The following RBFOX1 variants were observed in gnomAD, a reference collection of about 807,000 sequenced individuals.
RBFOX1 encodes the protein RNA binding fox-1 homolog 1.
In RBFOX1, 8 loss-of-function variants were observed where a neutral mutation model predicts 57.7. That is an observed-to-expected ratio of 0.14 (90% CI 0.08 to 0.25). RBFOX1 has a LOEUF of 0.25. Ranked by LOEUF, RBFOX1 falls within the 10% of genes least tolerant of loss-of-function variation. RBFOX1 has a pLI of 1.00. For synonymous variants in RBFOX1, 326 were observed against 222.4 expected (o/e 1.47, Z -4.15); for missense variants, 611 against 548.5 (o/e 1.11, Z -1.14).
intron 4 of RBFOX1, among the ~76,000 whole-genome samples, chr16:7,420,960 C>CACACACAT (rs1555886220): frequency 1.4e-5 from 2 of 145,798 alleles, no homozygotes; most frequent in African/African-American, 5.1e-5. Flanking sequence ...CACACACACA[C>CACACACAT]ATATATATAT....
chr16:6,736,807 T>TG (rs1300790395), intron 3 of RBFOX1, among the ~76,000 whole-genome samples: 1 of 152,204 alleles, frequency 6.6e-6, no homozygotes, highest in African/African-American at 2.4e-5. Context: ...TATGGAATGC[T>TG]GTATTCATAC....
At chr16:6,929,283 A>G (rs117887184) in intron 3 of RBFOX1, among the ~76,000 whole-genome samples, 10,247 of 152,222 alleles carry the variant, frequency 0.067, 506 homozygotes, top group Non-Finnish European at 0.11. Context: ...AGAGGTAGGA[A>G]ACTGGGGAAG....
intron 2 of RBFOX1, among the ~76,000 whole-genome samples, chr16:6,429,000 G>T (rs1388239663): frequency 6.6e-6 from 1 of 152,224 alleles, no homozygotes; most frequent in Non-Finnish European, 1.5e-5. Context: ...TCTGGGAGGT[G>T]CACATTCGGT....
At chr16:5,712,231 C>T (rs2051516871) in intron 3 of RBFOX1, among the ~76,000 whole-genome samples, 1 of 152,180 alleles carries the variant, frequency 6.6e-6, no homozygotes, top group Non-Finnish European at 1.5e-5. Flanking sequence ...TGGGGATTAC[C>T]ATTTGAGATG....
intron 3 of RBFOX1, among the ~76,000 whole-genome samples, chr16:6,659,076 C>T (rs1458834391): frequency 2.0e-5 from 3 of 151,836 alleles, no homozygotes; most frequent in East Asian, 3.9e-4. Context: ...ATTTACAGTA[C>T]CTGTGTTTCT....
At chr16:6,362,496 T>A (rs982862896) in intron 2 of RBFOX1, among the ~76,000 whole-genome samples, 2 of 152,232 alleles carry the variant, frequency 1.3e-5, no homozygotes, top group East Asian at 3.9e-4. Flanking sequence ...GTATGTCATC[T>A]GTTGGCACTG....
intron 2 of RBFOX1, among the ~76,000 whole-genome samples, chr16:5,504,751 AG>A: frequency 6.6e-6 from 1 of 152,322 alleles, no homozygotes; most frequent in Non-Finnish European, 1.5e-5. Context: ...AACCCTCACC[AG>A]CCCCACCTTC....
At chr16:6,664,029 T>A (rs2098717155) in intron 3 of RBFOX1, among the ~76,000 whole-genome samples, 1 of 152,350 alleles carries the variant, frequency 6.6e-6, no homozygotes, top group Middle Eastern at 3.4e-3. Flanking sequence ...CTGTGTCACA[T>A]GGACTGTGAT....
intron 4 of RBFOX1, among the ~76,000 whole-genome samples, chr16:7,064,104 A>T (rs993881043): frequency 3.3e-5 from 5 of 151,976 alleles, no homozygotes; most frequent in African/African-American, 1.2e-4. Context: ...CTTTAAAAAG[A>T]TAAGTAAGAT....
intron 1 of RBFOX1, among the ~76,000 whole-genome samples, chr16:5,365,644 G>A (rs9923686): frequency 0.032 from 4,812 of 152,166 alleles, 107 homozygotes; most frequent in Middle Eastern, 0.078. Flanking sequence ...CTCCAGCCTG[G>A]GTGACGGAGT....
intron 4 of RBFOX1, among the ~76,000 whole-genome samples, chr16:7,357,788 G>C (rs936632587): frequency 5.9e-5 from 9 of 152,058 alleles, no homozygotes; most frequent in African/African-American, 2.2e-4. Context: ...AATAATTTTG[G>C]AGCATTCAGC....
intron 3 of RBFOX1, among the ~76,000 whole-genome samples, chr16:5,803,408 G>T (rs918735411): frequency 6.6e-6 from 1 of 152,180 alleles, no homozygotes; most frequent in Admixed American, 6.5e-5. Flanking sequence ...TCTGATCCCA[G>T]TTCCCACACT....
chr16:6,805,758 T>G (rs1042981698), intron 3 of RBFOX1, among the ~76,000 whole-genome samples: 2 of 152,166 alleles, frequency 1.3e-5, no homozygotes, highest in Non-Finnish European at 2.9e-5. Context: ...TTCCCTCCAC[T>G]GTAAAGTCTG....
chr16:5,538,388 G>A (rs1167283606), intron 2 of RBFOX1, among the ~76,000 whole-genome samples: 2 of 151,658 alleles, frequency 1.3e-5, no homozygotes, highest in Non-Finnish European at 2.9e-5. Context: ...CATTGCCATG[G>A]GACTATGCAT....
At chr16:7,245,918 A>G (rs1369319032) in intron 4 of RBFOX1, among the ~76,000 whole-genome samples, 1 of 152,190 alleles carries the variant, frequency 6.6e-6, no homozygotes, top group Non-Finnish European at 1.5e-5. Context: ...CTCCCAGCCC[A>G]TAGCAGCTTG....
At chr16:5,514,959 C>T (rs1436631838) in intron 2 of RBFOX1, among the ~76,000 whole-genome samples, 1 of 152,024 alleles carries the variant, frequency 6.6e-6, no homozygotes, top group African/African-American at 2.4e-5. Flanking sequence ...TTGGTCAGGA[C>T]CTCAGGGAGC....
At chr16:7,096,074 A>C (rs1208587518) in intron 4 of RBFOX1, among the ~76,000 whole-genome samples, 2 of 152,102 alleles carry the variant, frequency 1.3e-5, no homozygotes, top group African/African-American at 2.4e-5. Context: ...CTAATGCATG[A>C]GATATTGTGT....
intron 4 of RBFOX1, among the ~76,000 whole-genome samples, chr16:7,291,663 C>G (rs924713854): frequency 3.3e-5 from 5 of 151,902 alleles, no homozygotes; most frequent in African/African-American, 1.2e-4. Flanking sequence ...GTTAAAATAG[C>G]AGCAAGGATG....
chr16:7,549,007 G>A (rs2085486141), intron 5 of RBFOX1, among the ~76,000 whole-genome samples: 1 of 152,206 alleles, frequency 6.6e-6, no homozygotes, highest in Admixed American at 6.5e-5. Context: ...CAGAGTAATG[G>A]CTAGCCCAGA....
Sources: allele counts gnomAD v4.1 joint callset (sites outside exome capture counted in the v4.1 genomes callset), GRCh38; gene constraint gnomAD v4.1.1; transcripts MANE v1.5; gene names NCBI Gene and HGNC (gene_info 2026-07-23, HGNC 2026-07-21).